POLI: variants seen among roughly 807,000 people sequenced by gnomAD.
POLI encodes the protein DNA polymerase iota.
Under a neutral mutation model 51.6 loss-of-function variants are expected in POLI, and 58 were observed. The observed-to-expected ratio is 1.12, with a 90% CI of 0.91 to 1.40. POLI has a LOEUF of 1.40. Among genes scored for constraint, POLI ranks in the 40% most tolerant of loss-of-function variants. The pLI is 0.00. For missense variants in POLI, 921 were observed against 871.3 expected, an observed-to-expected ratio of 1.06 and a Z score of -0.72; for synonymous variants, 322 against 299.7, an observed-to-expected ratio of 1.07 and a Z score of -0.77.
chr18:54,293,391 G>T (rs778314862), intron 9 of POLI, among the ~76,000 whole-genome samples: 4 of 151,820 alleles, frequency 2.6e-5, no homozygotes, highest in Admixed American at 6.6e-5. Context: ...AATCTTCCCA[G>T]GTCTCCAAAT....
intron 4 of POLI, 74 bp downstream of exon 4, chr18:54,277,929 T>G: frequency 8.9e-7 from 1 of 1,120,046 alleles, no homozygotes; most frequent in Non-Finnish European, 1.3e-6. Flanking sequence ...GAGTTCGCTG[T>G]GTGATTCTGA....
rs1276922116 is a variant in POLI, at chr18:54,298,196, T to A, written c.*3729T>A. The A allele has an allele frequency of 1.3e-5, 4 of 299,090 alleles. No individual in the cohort carries two copies. The highest frequency in any genetic ancestry group is 2.0e-5 in the Non-Finnish European group (4 of 202,494). 18.5% of individuals were successfully genotyped at this position (299,090 alleles called of 1,614,324 possible). On this transcript the variant is annotated 3_prime_UTR_variant, in exon 10 of 10. Coordinates refer to ENST00000579534, the MANE Select transcript of POLI (RefSeq NM_007195.3). ...TGTTAATGAGTAATTGTAACAACTA[T>A]GTAACTGTCCAAGTCAAGAAATAAA... is the stretch of plus-strand genomic sequence containing the variant.
rs776394458 is a variant in POLI at position 54,269,531 on chromosome 18, G to C, written c.-16G>C. 2 of 1,507,188 alleles carry C rather than the reference G, an allele frequency of 1.3e-6. No homozygotes were observed. Among genetic ancestry groups the C allele is most frequent in the African/African-American group, 1.5e-5 (1 of 68,038 alleles). 93.4% of individuals were successfully genotyped at this position (1,507,188 alleles called of 1,614,324 possible). On this transcript the variant is annotated 5_prime_UTR_variant, in exon 1 of 10. Coordinates refer to ENST00000579534, the MANE Select transcript of POLI (RefSeq NM_007195.3). The stretch of plus-strand genomic sequence containing the variant: ...CGGAAGCGGCCGGAAGTAGCGCTGC[G>C]GTTGGCAGCGGCGGGATGGAGAAGC...
At chr18:54,278,437 A>C (rs1471896671) in intron 4 of POLI, among the ~76,000 whole-genome samples, 1 of 152,152 alleles carries the variant, frequency 6.6e-6, no homozygotes, top group Non-Finnish European at 1.5e-5. Context: ...TTTGCCTTTG[A>C]TGTGTCTTTT....
chr18:54,309,767 G>A (rs866328687), intron 3 of POLI, among the ~76,000 whole-genome samples: 3 of 152,168 alleles, frequency 2.0e-5, no homozygotes, highest in East Asian at 3.8e-4. Flanking sequence ...CTTTGTTTAC[G>A]CAGTCAAGCC....
At chr18:54,305,725 T>C (rs2088572050) in intron 3 of POLI, among the ~76,000 whole-genome samples, 1 of 151,842 alleles carries the variant, frequency 6.6e-6, no homozygotes, top group Non-Finnish European at 1.5e-5. Flanking sequence ...TTTGACTTCC[T>C]CTTTTCCTAA....
chr18:54,277,053 T>G (rs1487456145), intron 3 of POLI, among the ~76,000 whole-genome samples: 3 of 152,212 alleles, frequency 2.0e-5, no homozygotes, highest in Non-Finnish European at 4.4e-5. Flanking sequence ...ATTTTGAATT[T>G]TGGTTCAGCT....
intron 8 of POLI, among the ~76,000 whole-genome samples, chr18:54,288,309 C>T (rs1421615437): frequency 6.6e-6 from 1 of 152,048 alleles, no homozygotes; most frequent in Non-Finnish European, 1.5e-5. Flanking sequence ...ACTCAAAGGT[C>T]ACAGATATTT....
At chr18:54,309,535 C>T (rs527489296) in intron 3 of POLI, among the ~76,000 whole-genome samples, 52 of 152,158 alleles carry the variant, frequency 3.4e-4, no homozygotes, top group Admixed American at 1.8e-3. Flanking sequence ...AGTTAGGCTA[C>T]GTGGGTGTCA....
intron 4 of POLI, 120 bp from the exon 5 acceptor site, chr18:54,280,547 G>T: frequency 1.5e-6 from 1 of 650,814 alleles, no homozygotes; most frequent in Admixed American, 2.6e-5. Context: ...TGATGATGGT[G>T]GTGGTTGTGG....
chr18:54,289,231 T>C (rs1244131546), intron 8 of POLI, among the ~76,000 whole-genome samples: 2 of 151,868 alleles, frequency 1.3e-5, no homozygotes. Flanking sequence ...AAATTTTTAT[T>C]TTAATACTGG....
rs1326825767 is a variant in POLI, at chr18:54,280,865, A to C, written c.758A>C (p.His253Pro). ...GTCTTATTACCTGAAAGTTGTCAAC[A>C]TCTTATTCATAGTTTGAATCACATA... is the stretch of plus-strand genomic sequence containing the variant. ...QTVLLPESCQ[H>P]LIHSLNHIKE... is the part of the protein sequence containing the mutation. Residue 253 changes from histidine (H) to proline (P), a missense_variant, in exon 5 of 10, where the codon CAT becomes CCT. By Grantham distance (77) the His-to-Pro change is moderately conservative. Coordinates refer to ENST00000579534, the MANE Select transcript of POLI (RefSeq NM_007195.3). 6.2e-7 allele frequency: 1 copy of C among 1,609,812 alleles called. No individual in the cohort carries two copies. The highest frequency in any genetic ancestry group is 1.7e-5 in the Admixed American group (1 of 59,988).
At chr18:54,306,614 T>G (rs1014671653) in intron 3 of POLI, among the ~76,000 whole-genome samples, 1 of 152,302 alleles carries the variant, frequency 6.6e-6, no homozygotes, top group South Asian at 2.1e-4. Context: ...GGATTCTCTC[T>G]TTTTCTGTTA....
At chr18:54,302,561 A>G (rs1018406383), downstream of POLI, among the ~76,000 whole-genome samples, 5 of 152,174 alleles carry the variant, frequency 3.3e-5, no homozygotes, top group African/African-American at 1.2e-4. Flanking sequence ...ATGCATAATA[A>G]TCACATCATG....
intron 3 of POLI, chr18:54,311,120 GCTGCCACC>G: frequency 2.0e-6 from 2 of 983,354 alleles, no homozygotes; most frequent in Non-Finnish European, 2.4e-6. Context: ...AAATCAGTAT[GCTGCCACC>G]CTGCCACTTC....
rs147702194 is a variant in POLI, at chr18:54,297,028, G to A, written c.*2561G>A. On this transcript the variant is annotated 3_prime_UTR_variant, in exon 10 of 10. Coordinates refer to ENST00000579534, the MANE Select transcript of POLI (RefSeq NM_007195.3). ...TTTTCCTTCAGTATGATTTGAGTTC[G>A]TTGCTTCTCTGGGTGAGGTGGTACA... 8.6e-4 allele frequency: 844 copies of A among 985,344 alleles called. 17 individuals carry two copies. In the Admixed American group the frequency reaches 0.047, roughly 55 times the overall value. The allele number at this position is 985,344 out of a possible 1,614,324, so 61.0% of individuals were successfully genotyped here.
Position 54,277,827 on chromosome 18 carries a change from T to C in POLI, c.531T>C (p.Thr177=). 2 of 1,612,872 alleles carry C rather than the reference T, an allele frequency of 1.2e-6. No individual in the cohort carries two copies. Among genetic ancestry groups the C allele is most frequent in the East Asian group, 2.2e-5 (1 of 44,862 alleles). ...AAAGTGATGAACTTTCTGCGGTGAC[T>C]GTGTCGGGTCATGTATACAATAATC... ...QLQSDELSAV[T]VSGHVYNNQS... is the part of the protein sequence containing the mutation. The change falls in exon 4 of 10, where the codon ACT becomes ACC. Residue 177 remains threonine, a synonymous_variant. Transcript: ENST00000579534.
downstream of POLI, among the ~76,000 whole-genome samples, chr18:54,302,113 G>C (rs1464411053): frequency 2.6e-5 from 4 of 152,130 alleles, no homozygotes; most frequent in Non-Finnish European, 5.9e-5. Flanking sequence ...CATTGTTGGG[G>C]GAACTCCTGA....
In POLI at chr18:54,269,649, G is replaced by C; in HGVS notation, c.103G>C (p.Ala35Pro). Residue 35 changes from alanine (A) to proline (P), a missense_variant, in exon 1 of 10, where the codon GCC becomes CCC. Physicochemically the swap from Ala to Pro is conservative, Grantham distance 27 (BLOSUM62 -1). Transcript: ENST00000579534. ...AMELADVGAAASSQGVHDQVL... is the reference protein window; with the variant it reads ...AMELADVGAAPSSQGVHDQVL... ...GGAACTGGCGGACGTGGGGGCGGCA[G>C]CCAGCTCGCAGGGTGCGCCGCAGCC... 1 of 1,508,168 alleles carries C rather than the reference G, an allele frequency of 6.6e-7. No individual in the cohort carries two copies. Among genetic ancestry groups the C allele is most frequent in the Non-Finnish European group, 8.8e-7 (1 of 1,131,584 alleles). The allele number at this position is 1,508,168 out of a possible 1,614,324, so 93.4% of individuals were successfully genotyped here. A position where few individuals can be genotyped will look rare whatever the true frequency, so the allele number is the denominator to read the frequency against.
Sources: allele counts gnomAD v4.1 joint callset (sites outside exome capture counted in the v4.1 genomes callset), GRCh38; gene constraint gnomAD v4.1.1; transcripts MANE v1.5; gene names NCBI Gene and HGNC (gene_info 2026-07-23, HGNC 2026-07-21).